The following ZCCHC14 variants were observed in gnomAD, a reference collection of about 807,000 sequenced individuals.
The protein encoded by ZCCHC14 is zinc finger CCHC domain-containing protein 14.
In ZCCHC14, 16 loss-of-function variants were observed where a neutral mutation model predicts 85.0. The ratio of observed to expected loss-of-function variants is 0.19; its 90% confidence interval spans 0.13 to 0.29. The LOEUF (loss-of-function observed/expected upper bound fraction) is 0.29, where lower values mean the gene tolerates loss of function less well. ZCCHC14 is among the 10% of genes least tolerant of loss of function. The pLI is 1.00. For synonymous variants in ZCCHC14, 775 were observed against 630.7 expected (o/e 1.23, Z -3.43); for missense variants, 1,303 against 1,443.5 (o/e 0.90, Z 1.58).
At chr16:87,469,270 T>C (rs1006697366) in intron 1 of ZCCHC14, among the ~76,000 whole-genome samples, 2 of 152,224 alleles carry the variant, frequency 1.3e-5, no homozygotes, top group African/African-American at 2.4e-5. Flanking sequence ...TATGAGATCA[T>C]CCATCTGATC....
intron 1 of ZCCHC14, among the ~76,000 whole-genome samples, chr16:87,468,463 CAA>C (rs71156233): frequency 3.6e-4 from 52 of 145,372 alleles, no homozygotes; most frequent in Middle Eastern, 3.5e-3. Context: ...ATTACATAGT[CAA>C]AAAAAAAAAA....
In ZCCHC14 at chr16:87,434,039, G is replaced by A. The variant is rs577507950; in HGVS notation, c.695-838C>T. ...CTGGGGGAGTCAGGAAGATAGCACC[G>A]TCTGGGAGCAGAGCCGGGCTGCAGT... On this transcript the variant is annotated intron_variant, in intron 2 of 12. Coordinates refer to ENST00000671377, the MANE Select transcript of ZCCHC14 (RefSeq NM_015144.3). Among the ~76,000 whole-genome samples the A allele has an allele frequency of 3.3e-4, 50 of 152,178 alleles. 1 individual carries two copies. The highest frequency in any genetic ancestry group is 2.1e-4 in the South Asian group (1 of 4,830).
chr16:87,429,385 C>T (rs1226957808), intron 3 of ZCCHC14, among the ~76,000 whole-genome samples: 1 of 152,158 alleles, frequency 6.6e-6, no homozygotes, highest in Non-Finnish European at 1.5e-5. Context: ...CACTGTTGCC[C>T]AGGCTAGTCT....
At position 87,411,807 on chromosome 16, in the gene ZCCHC14, A is replaced by T; in HGVS notation, c.2914T>A (p.Tyr972Asn). ...CCGCCGTACTGCTGGGCGCTGACGT[A>T]GCCGCTGCTGCACATGGGACTGAAG... is the stretch of plus-strand genomic sequence containing the variant. ...LPFSPMCSSG[Y>N]VSAQQYGGGS... Residue 972 changes from tyrosine (Y) to asparagine (N), a missense_variant, in exon 12 of 13, where the codon TAC becomes AAC. Tyr to Asn is a moderately radical substitution (Grantham distance 143). Around this residue, in one of 7 missense-constraint regions of ZCCHC14, gnomAD observed 797 missense variants for 730.8 expected, o/e 1.09. Coordinates refer to ENST00000671377, the MANE Select transcript of ZCCHC14 (RefSeq NM_015144.3). 1.2e-6 allele frequency: 2 copies of T among 1,612,126 alleles called. No homozygotes were observed. Among genetic ancestry groups the T allele is most frequent in the East Asian group, 2.2e-5 (1 of 44,832 alleles).
intron 7 of ZCCHC14, among the ~76,000 whole-genome samples, chr16:87,418,088 C>G (rs2150726475): frequency 6.6e-6 from 1 of 152,346 alleles, no homozygotes; most frequent in South Asian, 2.1e-4. Flanking sequence ...CACCAGACTT[C>G]TGCTTTAGCT....
intron 3 of ZCCHC14, among the ~76,000 whole-genome samples, chr16:87,424,233 G>T (rs776465661): frequency 6.6e-6 from 1 of 152,214 alleles, no homozygotes; most frequent in Non-Finnish European, 1.5e-5. Context: ...GTGAGCCTAT[G>T]TGCCTCAGAT....
intron 1 of ZCCHC14, among the ~76,000 whole-genome samples, chr16:87,488,770 G>A (rs949153993): frequency 2.6e-5 from 4 of 152,142 alleles, no homozygotes; most frequent in Non-Finnish European, 5.9e-5. Context: ...TAGAGACAGG[G>A]TTTTGCTGTG....
chr16:87,424,010 G>T, intron 3 of ZCCHC14, 129 bp from the exon 4 acceptor site: 1 of 853,652 alleles, frequency 1.2e-6, no homozygotes, highest in Non-Finnish European at 1.8e-6. Flanking sequence ...CACCTGCTGT[G>T]GGAAGCACCT....
intron 3 of ZCCHC14, among the ~76,000 whole-genome samples, chr16:87,432,759 C>G (rs960934891): frequency 6.6e-6 from 1 of 152,224 alleles, no homozygotes; most frequent in Admixed American, 6.5e-5. Context: ...GGAGCGTTCC[C>G]TGCCCAGACC....
chr16:87,468,242 T>C (rs1911619700), intron 1 of ZCCHC14, among the ~76,000 whole-genome samples: 1 of 152,176 alleles, frequency 6.6e-6, no homozygotes, highest in Non-Finnish European at 1.5e-5. Context: ...CGTAACCATT[T>C]CAGGTTTCTT....
chr16:87,417,376 T>G (rs1005312777), intron 8 of ZCCHC14, 84 bp downstream of exon 8: 129 of 1,547,694 alleles, frequency 8.3e-5, no homozygotes, highest in Non-Finnish European at 1.1e-4. Flanking sequence ...CCACCTTGTG[T>G]TGGTTTGGAA....
At chr16:87,456,431 G>C (rs918875924) in intron 2 of ZCCHC14, among the ~76,000 whole-genome samples, 1 of 150,172 alleles carries the variant, frequency 6.7e-6, no homozygotes, top group African/African-American at 2.4e-5. Context: ...TACTCCGGAG[G>C]CTGAGGCAAG....
intron 12 of ZCCHC14, chr16:87,411,311 C>G: frequency 6.9e-7 from 1 of 1,448,278 alleles, no homozygotes; most frequent in Non-Finnish European, 9.2e-7. Flanking sequence ...CAGAGGCTGT[C>G]TGAAATCATC....
rs1489944760 is a variant in ZCCHC14, at chr16:87,417,517, A to G, written c.1326T>C (p.Leu442=). 1.2e-6 allele frequency: 2 copies of G among 1,614,124 alleles called. No homozygotes were observed. Among genetic ancestry groups the G allele is most frequent in the East Asian group, 2.2e-5 (1 of 44,892 alleles). ...AATACTTGTGCAAACGCAGTTTCCT[A>G]AGCCAGTCTAGAATCCCATTCTGCT... ...TQEQNGILDW[L]RKLRLHKYYP... Residue 442 remains leucine, a synonymous_variant, in exon 8 of 13, where the codon CTT becomes CTC. Coordinates refer to ENST00000671377, the MANE Select transcript of ZCCHC14 (RefSeq NM_015144.3).
chr16:87,408,497 T>C lies in ZCCHC14; in HGVS notation c.*1783A>G, dbSNP rs1295503742. 6.6e-6 allele frequency: 1 copy of C among 152,618 alleles called. No individual in the cohort carries two copies. Among genetic ancestry groups the C allele is most frequent in the South Asian group, 2.1e-4 (1 of 4,834 alleles). 9.5% of individuals were successfully genotyped at this position (152,618 alleles called of 1,614,324 possible). A position where few individuals can be genotyped will look rare whatever the true frequency, so the allele number is the denominator to read the frequency against. ...CAGTTCTCATTATTTTGACATTTTG[T>C]AGTGTTTACAATTTAAGAGATCAAC... On this transcript the variant is annotated 3_prime_UTR_variant, in exon 13 of 13. Transcript: ENST00000671377.
At chr16:87,444,793 T>C (rs147148879) in intron 2 of ZCCHC14, among the ~76,000 whole-genome samples, 28 of 152,290 alleles carry the variant, frequency 1.8e-4, no homozygotes, top group African/African-American at 6.0e-4. Flanking sequence ...GGAGGCCAAA[T>C]GCACCCTGGG....
At chr16:87,476,311 AG>A (rs1314868730) in intron 1 of ZCCHC14, among the ~76,000 whole-genome samples, 2 of 152,220 alleles carry the variant, frequency 1.3e-5, no homozygotes, top group East Asian at 3.8e-4. Flanking sequence ...GGTTCCACTT[AG>A]GGGTTGGGGG....
intron 3 of ZCCHC14, among the ~76,000 whole-genome samples, chr16:87,429,086 G>T (rs897276364): frequency 6.6e-6 from 1 of 152,182 alleles, no homozygotes; most frequent in African/African-American, 2.4e-5. Flanking sequence ...GAACTTACGG[G>T]TCATACTTTT....
intron 4 of ZCCHC14, among the ~76,000 whole-genome samples, chr16:87,421,014 G>A (rs1341992724): frequency 6.6e-6 from 1 of 152,214 alleles, no homozygotes; most frequent in Non-Finnish European, 1.5e-5. Flanking sequence ...TTTCAAACGG[G>A]ACCTGCTCCC....
Sources: gnomAD v4.1 joint callset for allele counts (sites outside exome capture counted in the v4.1 genomes callset) on GRCh38, gnomAD v4.1.1 for gene constraint, gnomAD v4.1.1 regional missense constraint, MANE v1.5 for transcripts, NCBI Gene and HGNC (gene_info 2026-07-23, HGNC 2026-07-21) for gene names.